FILIP1: variants seen among roughly 807,000 people sequenced by gnomAD.
FILIP1 encodes filamin A interacting protein 1, also known as filamin-A-interacting protein 1.
Under a neutral mutation model 102.1 loss-of-function variants are expected in FILIP1, and 61 were observed. The observed-to-expected ratio is 0.60, with a 90% CI of 0.49 to 0.74. The LOEUF (loss-of-function observed/expected upper bound fraction) is 0.74, where lower values mean the gene tolerates loss of function less well. Ranked by LOEUF, FILIP1 falls within the 30% of genes least tolerant of loss-of-function variation. FILIP1 has a pLI of 0.00. For synonymous variants in FILIP1, 491 were observed against 526.9 expected (o/e 0.93, Z 0.93); for missense variants, 1,314 against 1,441.2 (o/e 0.91, Z 1.43).
Position 75,312,497 on chromosome 6 carries a change from G to A in FILIP1, c.3335C>T (p.Pro1112Leu). Residue 1112 changes from proline to leucine, a missense_variant, in exon 5 of 6, where the codon CCC (proline) becomes CTC (leucine). Pro to Leu is a moderately conservative substitution (Grantham distance 98). Around this residue, in one of 3 missense-constraint regions of FILIP1, gnomAD observed 816 missense variants for 913.1 expected, o/e 0.89. Transcript: ENST00000237172. ...EVSTGTVLRS[P>L]RNHLSSRPGA... is the part of the protein sequence containing the mutation. Reference sequence around the variant, plus strand: ...AGGCCGTGAGGAGAGGTGATTCCTGGGAGAGCGAAGGACAGTGCCGGTGGA... The same window carrying A: ...AGGCCGTGAGGAGAGGTGATTCCTGAGAGAGCGAAGGACAGTGCCGGTGGA... 1.2e-6 allele frequency: 2 copies of A among 1,614,166 alleles called. No individual in the cohort carries two copies. Among genetic ancestry groups the A allele is most frequent in the Non-Finnish European group, 1.7e-6 (2 of 1,180,018 alleles).
At chr6:75,355,306 C>CCAAAA (rs534766664) in intron 3 of FILIP1, among the ~76,000 whole-genome samples, 1,772 of 151,800 alleles carry the variant, frequency 0.012, 18 homozygotes, top group Non-Finnish European at 0.02. Flanking sequence ...AAAACCAAAA[C>CCAAAA]CAAAACAAAA....
At chr6:75,386,964 G>C (rs1776115285) in intron 2 of FILIP1, among the ~76,000 whole-genome samples, 1 of 151,934 alleles carries the variant, frequency 6.6e-6, no homozygotes, top group African/African-American at 2.4e-5. Context: ...ATCTACATTA[G>C]GTATTTTGCC....
At chr6:75,442,456 T>C (rs1470021151) in intron 1 of FILIP1, among the ~76,000 whole-genome samples, 7 of 152,216 alleles carry the variant, frequency 4.6e-5, no homozygotes, top group Non-Finnish European at 5.9e-5. Flanking sequence ...CACTCCAGCC[T>C]GGGCACCATT....
At position 75,357,019 on chromosome 6, in the gene FILIP1, C is replaced by T. The variant is rs149426524; in HGVS notation, c.451-3302G>A. 2.8e-3 allele frequency among the ~76,000 whole-genome samples: 431 copies of T among 152,248 alleles called. 1 individual carries two copies. The highest frequency in any genetic ancestry group is 0.014 in the Middle Eastern group (4 of 294). Reference sequence around the variant, plus strand: ...AATAGGACCCTCCATCTTTTGGAAACTATTTGAAGATCAGTATTTTCCCTG... The same window carrying T: ...AATAGGACCCTCCATCTTTTGGAAATTATTTGAAGATCAGTATTTTCCCTG... On this transcript the variant is annotated intron_variant, in intron 3 of 5. Coordinates refer to ENST00000237172, the MANE Select transcript of FILIP1 (RefSeq NM_015687.5).
Position 75,313,401 on chromosome 6 carries a change from T to G in FILIP1, c.2431A>C (p.Ser811Arg). ...GTTTCTTCCTCTGCTGCTTCACCGC[T>G]GACTGCATCAGTTTGGACTCCAGTT... ...TSTGVQTDAV[S>R]GEAAEEETPA... The change falls in exon 5 of 6, where the codon AGC becomes CGC. Residue 811 changes from serine to arginine, a missense_variant. Physicochemically the swap from Ser to Arg is moderately radical, Grantham distance 110. Coordinates refer to ENST00000237172, the MANE Select transcript of FILIP1 (RefSeq NM_015687.5). This position sits in a 1 kb window ranked among gnomAD's most constrained non-coding sequence, Gnocchi z 4.2. The G allele has an allele frequency of 2.5e-6, 4 of 1,614,272 alleles. No homozygotes were observed. The highest frequency in any genetic ancestry group is 3.4e-6 in the Non-Finnish European group (4 of 1,180,052).
At chr6:75,327,549 AAT>A (rs943427181) in intron 4 of FILIP1, among the ~76,000 whole-genome samples, 65 of 142,700 alleles carry the variant, frequency 4.6e-4, no homozygotes, top group Admixed American at 8.7e-4. Context: ...TATATATATG[AAT>A]ATATATATAT....
At chr6:75,362,021 G>A (rs2149611985) in intron 3 of FILIP1, 1 of 152,286 alleles carries the variant, frequency 6.6e-6, no homozygotes, top group African/African-American at 2.4e-5. Flanking sequence ...ATAGTAAGTT[G>A]TTTCAGACTT....
chr6:75,335,781 AT>A (rs1774222048), intron 4 of FILIP1, among the ~76,000 whole-genome samples: 1 of 152,212 alleles, frequency 6.6e-6, no homozygotes, highest in Non-Finnish European at 1.5e-5. Context: ...TTTATACTAC[AT>A]AAGTATAAGC....
intron 1 of FILIP1, among the ~76,000 whole-genome samples, chr6:75,439,028 C>T (rs1265795581): frequency 6.6e-6 from 1 of 152,206 alleles, no homozygotes; most frequent in Non-Finnish European, 1.5e-5. Flanking sequence ...ATACTCTCCC[C>T]AGATAACCTC....
chr6:75,302,107 A>T (rs1457831580), intron 6 of FILIP1, among the ~76,000 whole-genome samples: 1 of 152,062 alleles, frequency 6.6e-6, no homozygotes. Flanking sequence ...TTTATACTTC[A>T]CAGAAAGCTC....
rs200246135 is a variant in FILIP1, at chr6:75,343,155, GA to G, written c.629+10383del. On this transcript the variant is annotated intron_variant, in intron 4 of 5. Coordinates refer to ENST00000237172, the MANE Select transcript of FILIP1 (RefSeq NM_015687.5). ...GCTATCTCTACATACACATGAACTG[GA>G]AAAAGCCCACGTGAGCACACAGGGA... 3.6e-3 allele frequency among the ~76,000 whole-genome samples: 550 copies of G among 152,258 alleles called. 1 individual carries two copies. Among genetic ancestry groups the G allele is most frequent in the African/African-American group, 0.013 (527 of 41,554 alleles).
At chr6:75,419,824 C>T (rs9447476) in intron 1 of FILIP1, among the ~76,000 whole-genome samples, 140 of 152,148 alleles carry the variant, frequency 9.2e-4, no homozygotes, top group African/African-American at 3.0e-3. Flanking sequence ...AATATCCCAA[C>T]TCACGAAATG....
At chr6:75,336,106 G>T (rs995707236) in intron 4 of FILIP1, among the ~76,000 whole-genome samples, 1 of 152,020 alleles carries the variant, frequency 6.6e-6, no homozygotes, top group Non-Finnish European at 1.5e-5. Context: ...TTGTTTTTTA[G>T]CTATTTTTTA....
chr6:75,434,317 A>G (rs1777938557), intron 1 of FILIP1, among the ~76,000 whole-genome samples: 1 of 152,222 alleles, frequency 6.6e-6, no homozygotes, highest in South Asian at 2.1e-4. Context: ...CTTCCTACCC[A>G]TGAGCATGGA....
At chr6:75,297,085 T>C (rs1018953423) in intron 6 of FILIP1, 1 of 152,122 alleles carries the variant, frequency 6.6e-6, no homozygotes, top group Non-Finnish European at 1.5e-5. Flanking sequence ...AGTTTCTTCA[T>C]CCAAAAAATT....
intron 2 of FILIP1, among the ~76,000 whole-genome samples, chr6:75,397,456 T>G (rs1776500576): frequency 6.6e-6 from 1 of 151,044 alleles, no homozygotes; most frequent in Non-Finnish European, 1.5e-5. Flanking sequence ...CACATTGTTT[T>G]CAGGTTAAAA....
At chr6:75,375,937 T>C (rs1367405968) in intron 2 of FILIP1, among the ~76,000 whole-genome samples, 2 of 152,176 alleles carry the variant, frequency 1.3e-5, no homozygotes, top group African/African-American at 4.8e-5. Flanking sequence ...ACACTGTATA[T>C]TTACTTTTAC....
intron 4 of FILIP1, among the ~76,000 whole-genome samples, chr6:75,326,126 T>TACACACAC (rs766233320): frequency 1.3e-5 from 2 of 149,542 alleles, no homozygotes; most frequent in Admixed American, 6.6e-5. Context: ...TAGATAGATA[T>TACACACAC]ACACACACAC....
intron 3 of FILIP1, among the ~76,000 whole-genome samples, chr6:75,362,235 A>G (rs572135424): frequency 1.2e-4 from 19 of 152,352 alleles, no homozygotes; most frequent in East Asian, 3.9e-4. Flanking sequence ...TTTCATCTCA[A>G]AGAATTGCCC....
Sources: gnomAD v4.1 joint callset for allele counts (sites outside exome capture counted in the v4.1 genomes callset) on GRCh38, gnomAD v4.1.1 for gene constraint, gnomAD v4.1.1 regional missense constraint, Gnocchi (gnomAD v3.1) non-coding constraint, MANE v1.5 for transcripts, NCBI Gene and HGNC (gene_info 2026-07-23, HGNC 2026-07-21) for gene names.